Variants in RBKS observed in about 807,000 individuals in gnomAD.
The protein encoded by RBKS is ribokinase.
RBKS carries 33 observed loss-of-function variants against 33.9 expected under a neutral mutation model. The ratio of observed to expected loss-of-function variants is 0.97; its 90% CI spans 0.74 to 1.30. The LOEUF is 1.30. Ranked by LOEUF, RBKS falls within the 50% of genes most tolerant of loss-of-function variation. RBKS has a pLI of 0.00. For synonymous variants in RBKS, 125 were observed against 143.0 expected (o/e 0.87, Z 0.90); for missense variants, 361 against 392.6 (o/e 0.92, Z 0.68).
intron 5 of RBKS, among the ~76,000 whole-genome samples, chr2:27,840,364 G>GCGCACA (rs1320789845): frequency 7.7e-5 from 10 of 130,076 alleles, no homozygotes; most frequent in Admixed American, 3.8e-4. Context: ...ACGCGCGCGC[G>GCGCACA]CACACACACA....
At chr2:27,854,556 T>A (rs1663814204) in intron 2 of RBKS, among the ~76,000 whole-genome samples, 1 of 152,224 alleles carries the variant, frequency 6.6e-6, no homozygotes, top group African/African-American at 2.4e-5. Flanking sequence ...GCCATGGCAA[T>A]GGCCCAGAAG....
At chr2:27,804,011 C>T (rs1677850804) in intron 7 of RBKS, among the ~76,000 whole-genome samples, 1 of 152,180 alleles carries the variant, frequency 6.6e-6, no homozygotes, top group African/African-American at 2.4e-5. Flanking sequence ...CACTGCACTT[C>T]AGCCTGGGCG....
At chr2:27,870,994 A>G (rs1381015874) in intron 1 of RBKS, 1 of 417,462 alleles carries the variant, frequency 2.4e-6, no homozygotes, top group Non-Finnish European at 4.9e-6. Context: ...CACTCTAACA[A>G]TTGTGCCTCA....
chr2:27,889,787 A>G (rs555631948), intron 1 of RBKS, among the ~76,000 whole-genome samples: 1 of 152,356 alleles, frequency 6.6e-6, no homozygotes, highest in African/African-American at 2.4e-5. Context: ...ATTATTTTAT[A>G]CAATAAGCTC....
At chr2:27,884,680 A>C (rs1664491466) in intron 1 of RBKS, among the ~76,000 whole-genome samples, 3 of 152,152 alleles carry the variant, frequency 2.0e-5, no homozygotes, top group Non-Finnish European at 4.4e-5. Flanking sequence ...ATTTGGCAGG[A>C]TTAAGCTTAG....
At chr2:27,826,046 A>T (rs1273234035) in intron 7 of RBKS, among the ~76,000 whole-genome samples, 1 of 152,242 alleles carries the variant, frequency 6.6e-6, no homozygotes, top group Non-Finnish European at 1.5e-5. Context: ...AAAACAGAAA[A>T]TAAACTAATA....
At position 27,812,807 on chromosome 2, in the gene RBKS, G is replaced by A. The variant is rs183226626; in HGVS notation, c.795+14760C>T. Among the ~76,000 whole-genome samples, 80 of 151,752 alleles carry A rather than the reference G, an allele frequency of 5.3e-4. No homozygotes were observed. The South Asian group carries it at 0.01, about 19-fold the overall frequency. ...ACCAACATGGCACATGTATACATAC[G>A]TAACAAACCTGCACATTGTGCACAT... On this transcript the variant is annotated intron_variant, in intron 7 of 7. Coordinates refer to ENST00000302188, the MANE Select transcript of RBKS (RefSeq NM_022128.3).
At chr2:27,888,111 T>C (rs561557513) in intron 1 of RBKS, among the ~76,000 whole-genome samples, 1 of 152,102 alleles carries the variant, frequency 6.6e-6, no homozygotes, top group South Asian at 2.1e-4. Flanking sequence ...GTAGGATGTA[T>C]GAGAAAATTT....
At chr2:27,880,688 C>A (rs144171675) in intron 1 of RBKS, among the ~76,000 whole-genome samples, 18 of 152,092 alleles carry the variant, frequency 1.2e-4, no homozygotes, top group African/African-American at 4.3e-4. Flanking sequence ...AAATAAAATA[C>A]CTAGAAATAC....
intron 5 of RBKS, among the ~76,000 whole-genome samples, chr2:27,835,047 G>A (rs1416471919): frequency 2.6e-5 from 4 of 152,068 alleles, no homozygotes; most frequent in Non-Finnish European, 4.4e-5. Flanking sequence ...AAGCTGAGGC[G>A]GGTGGATCAA....
At chr2:27,796,795 C>G (rs1677675475) in intron 7 of RBKS, among the ~76,000 whole-genome samples, 1 of 152,162 alleles carries the variant, frequency 6.6e-6, no homozygotes, top group Non-Finnish European at 1.5e-5. Flanking sequence ...GGGTATGGGT[C>G]TGGGTGGGCA....
At chr2:27,875,242 A>T (rs192941785) in intron 1 of RBKS, among the ~76,000 whole-genome samples, 1 of 152,350 alleles carries the variant, frequency 6.6e-6, no homozygotes, top group East Asian at 1.9e-4. Context: ...AATATATTTC[A>T]AAAGTTTAAA....
rs567229946 is a variant in RBKS, at chr2:27,791,541, T to C, written c.796-9753A>G. Among the ~76,000 whole-genome samples the C allele has an allele frequency of 7.9e-5, 12 of 152,052 alleles. No homozygotes were observed. The East Asian group carries it at 2.3e-3, about 29-fold the overall frequency. ...GACTAAATTGTACCCCTGGCTTTCC[T>C]AGTTCTCCATCTTGCAGATCGTGGG... On this transcript the variant is annotated intron_variant, in intron 7 of 7. Coordinates refer to ENST00000302188, the MANE Select transcript of RBKS (RefSeq NM_022128.3).
In RBKS at chr2:27,801,963, AATAT is replaced by A. The variant is rs869036134; in HGVS notation, c.796-20179_796-20176del. Among the ~76,000 whole-genome samples the A allele has an allele frequency of 1.4e-3, 69 of 47,610 alleles. 1 individual carries two copies. The highest frequency in any genetic ancestry group is 4.6e-3 in the African/African-American group (57 of 12,324). The allele number at this position is 47,610 out of a possible 152,430, so 31.2% of individuals were successfully genotyped here. On this transcript the variant is annotated intron_variant, in intron 7 of 7. Coordinates refer to ENST00000302188, the MANE Select transcript of RBKS (RefSeq NM_022128.3). Reference sequence around the variant, plus strand: ...CGAGTAGCTGGGGAAAAAAAAAAAAAATATATATATATATATATATATATATATA... The same window carrying A: ...CGAGTAGCTGGGGAAAAAAAAAAAAAATATATATATATATATATATATATA...
Position 27,830,256 on chromosome 2 carries a change from A to G in RBKS, c.606+2430T>C, listed in dbSNP as rs182666189. Among the ~76,000 whole-genome samples, 456 of 152,254 alleles carry G rather than the reference A, an allele frequency of 3.0e-3. 12 individuals are homozygous for G. The South Asian group carries it at 0.048, about 16-fold the overall frequency. On this transcript the variant is annotated intron_variant, in intron 6 of 7. Coordinates refer to ENST00000302188, the MANE Select transcript of RBKS (RefSeq NM_022128.3). Reference sequence around the variant, plus strand: ...ATTGCTGTGATTAGAGTTCATCTATAAGAACATTAAGCTTTTTTTTTTTGA... The same window carrying G: ...ATTGCTGTGATTAGAGTTCATCTATGAGAACATTAAGCTTTTTTTTTTTGA...
intron 7 of RBKS, among the ~76,000 whole-genome samples, chr2:27,823,534 G>C (rs901247391): frequency 1.3e-5 from 2 of 152,146 alleles, no homozygotes; most frequent in Non-Finnish European, 1.5e-5. Flanking sequence ...TGACAGAAAA[G>C]TGAAGGAGCC....
At position 27,827,668 on chromosome 2, in the gene RBKS, C is replaced by T; in HGVS notation, c.694G>A (p.Val232Ile). 1 of 1,613,882 alleles carries T rather than the reference C, an allele frequency of 6.2e-7. No individual in the cohort carries two copies. The highest frequency in any genetic ancestry group is 1.6e-4 in the Middle Eastern group (1 of 6,062). The change falls in exon 7 of 8, where the codon GTA becomes ATA. Residue 232 changes from valine to isoleucine, a missense_variant. Physicochemically the swap from Val to Ile is conservative, Grantham distance 29. Transcript: ENST00000302188. ...LVLLKRGCQV[V>I]IITLGAEGCV... ...CCTTCAGCCCCTAAGGTAATGATTACCACCTGGCAGCCCCTTTTCAAGAGC... is the reference window on the plus strand; with the variant it reads ...CCTTCAGCCCCTAAGGTAATGATTATCACCTGGCAGCCCCTTTTCAAGAGC...
chr2:27,838,641 C>T (rs1663372244), intron 5 of RBKS, among the ~76,000 whole-genome samples: 1 of 152,156 alleles, frequency 6.6e-6, no homozygotes, highest in Admixed American at 6.5e-5. Flanking sequence ...TGAGCATACT[C>T]CACCATGATG....
At chr2:27,849,559 C>CAAA (rs70953894) in intron 2 of RBKS, among the ~76,000 whole-genome samples, 6 of 28,596 alleles carry the variant, frequency 2.1e-4, no homozygotes, top group East Asian at 1.4e-3. Flanking sequence ...GACTCTGTCT[C>CAAA]AAAAAAAAAA....
Sources: allele counts gnomAD v4.1 joint callset (sites outside exome capture counted in the v4.1 genomes callset), GRCh38; gene constraint gnomAD v4.1.1; transcripts MANE v1.5; gene names NCBI Gene and HGNC (gene_info 2026-07-23, HGNC 2026-07-21).